PMFBP1: variants seen among roughly 807,000 people sequenced by gnomAD.
PMFBP1 encodes the protein polyamine-modulated factor 1-binding protein 1.
In PMFBP1, 131 loss-of-function variants were observed where a neutral mutation model predicts 137.8. That is an observed-to-expected ratio of 0.95 (90% CI 0.82 to 1.10). The LOEUF (loss-of-function observed/expected upper bound fraction) is 1.10. Ranked by LOEUF, PMFBP1 falls within the 50% of genes least tolerant of loss-of-function variation. The probability of loss-of-function intolerance (pLI) is 0.00; values close to 1 mark genes in which losing one functional copy is unlikely to be tolerated. For missense variants in PMFBP1, 1,199 were observed against 1,175.4 expected, an observed-to-expected ratio of 1.02 and a Z score of -0.29; for synonymous variants, 490 against 450.4, an observed-to-expected ratio of 1.09 and a Z score of -1.11.
the PMFBP1 span, among the ~76,000 whole-genome samples, chr16:72,245,398 T>A: frequency 6.6e-6 from 1 of 152,102 alleles, no homozygotes; most frequent in African/African-American, 2.4e-5. Flanking sequence ...GTACAGCTGG[T>A]AAATGGTAAA....
In PMFBP1 at chr16:72,139,376, C is replaced by T; in HGVS notation, c.831G>A (p.Leu277=). ...NALVLEREKA[L]IKLQADFASC... ...AAGCAAAATCGGCTTGTAGTTTTAT[C>T]AAAGCCTTTTCACGCTCCAGAACCT... Residue 277 remains leucine (L), a synonymous_variant, in exon 7 of 21, where the codon TTG becomes TTA. Coordinates refer to ENST00000237353, the MANE Select transcript of PMFBP1 (RefSeq NM_031293.3). 12 of 1,614,028 alleles carry T rather than the reference C, an allele frequency of 7.4e-6. No individual in the cohort carries two copies. Among genetic ancestry groups the T allele is most frequent in the Non-Finnish European group, 9.3e-6 (11 of 1,179,984 alleles).
At chr16:72,155,024 C>T (rs1445383163) in intron 3 of PMFBP1, among the ~76,000 whole-genome samples, 1 of 151,204 alleles carries the variant, frequency 6.6e-6, no homozygotes, top group African/African-American at 2.4e-5. Flanking sequence ...ACTCTGTGTG[C>T]GTGTGTGTGT....
At chr16:72,181,154 G>A (rs1015954096), upstream of PMFBP1, among the ~76,000 whole-genome samples, 4 of 151,624 alleles carry the variant, frequency 2.6e-5, no homozygotes, top group African/African-American at 4.8e-5. Flanking sequence ...CAGGAGAATC[G>A]CTTGAACTCA....
At chr16:72,124,681 C>G (rs2042426537) in intron 17 of PMFBP1, 86 bp downstream of exon 17, 1 of 1,502,962 alleles carries the variant, frequency 6.7e-7, no homozygotes, top group East Asian at 2.3e-5. Flanking sequence ...CTCCCACCCC[C>G]ACCAAGGGCT....
the PMFBP1 span, among the ~76,000 whole-genome samples, chr16:72,230,917 G>A: frequency 6.6e-6 from 1 of 152,102 alleles, no homozygotes; most frequent in Admixed American, 6.6e-5. Flanking sequence ...GCTGTAAACG[G>A]CAATAGATAT....
the PMFBP1 span, among the ~76,000 whole-genome samples, chr16:72,189,553 C>G: frequency 7.9e-5 from 12 of 152,116 alleles, no homozygotes; most frequent in African/African-American, 2.9e-4. Context: ...GGGGCCTCTC[C>G]AAAGAGGAGA....
intron 3 of PMFBP1, 149 bp from the exon 4 acceptor site, chr16:72,154,608 C>T (rs1210526533): frequency 1.1e-6 from 1 of 946,752 alleles, no homozygotes; most frequent in East Asian, 2.6e-5. Flanking sequence ...TTAAACATTT[C>T]ACTCTATTCA....
At chr16:72,216,351 A>G in the PMFBP1 span, among the ~76,000 whole-genome samples, 10 of 152,330 alleles carry the variant, frequency 6.6e-5, no homozygotes, top group African/African-American at 2.2e-4. Context: ...TATTTGATTA[A>G]TACAGAAATG....
At chr16:72,125,197 C>T (rs1337101729) in intron 16 of PMFBP1, 41 bp downstream of exon 16, 4 of 1,594,592 alleles carry the variant, frequency 2.5e-6, no homozygotes, top group Non-Finnish European at 3.4e-6. Context: ...CCTTGTGGAC[C>T]CCTACCAGGA....
chr16:72,214,320 G>A, the PMFBP1 span, among the ~76,000 whole-genome samples: 5 of 152,010 alleles, frequency 3.3e-5, no homozygotes, highest in African/African-American at 4.8e-5. Flanking sequence ...TCAGCCTCCC[G>A]AGTAACTGGG....
chr16:72,137,085 G>C (rs997487242), intron 7 of PMFBP1, among the ~76,000 whole-genome samples: 3 of 152,172 alleles, frequency 2.0e-5, no homozygotes, highest in Non-Finnish European at 4.4e-5. Flanking sequence ...TTTATAATTT[G>C]TCCATTGTCT....
At chr16:72,151,234 C>T (rs934087592) in intron 4 of PMFBP1, among the ~76,000 whole-genome samples, 6 of 152,210 alleles carry the variant, frequency 3.9e-5, no homozygotes, top group African/African-American at 1.4e-4. Context: ...TCCTCCTGCA[C>T]ACAGGACTAT....
At chr16:72,145,678 T>C (rs936522044) in intron 5 of PMFBP1, among the ~76,000 whole-genome samples, 1 of 151,968 alleles carries the variant, frequency 6.6e-6, no homozygotes, top group Non-Finnish European at 1.5e-5. Flanking sequence ...ATAGATGCAA[T>C]AAAAAATGAT....
chr16:72,162,602 G>C (rs2043080717), intron 3 of PMFBP1, among the ~76,000 whole-genome samples: 1 of 152,200 alleles, frequency 6.6e-6, no homozygotes, highest in Non-Finnish European at 1.5e-5. Flanking sequence ...GCGGATGAGT[G>C]TAAGTCTACA....
At chr16:72,188,576 AG>A in the PMFBP1 span, among the ~76,000 whole-genome samples, 1 of 152,240 alleles carries the variant, frequency 6.6e-6, no homozygotes, top group Non-Finnish European at 1.5e-5. Context: ...AAGTACACAC[AG>A]AGAAGGAAAC....
In PMFBP1 at chr16:72,119,259, AAGAG is replaced by A; in HGVS notation, c.*75_*78del. 1.3e-6 allele frequency: 2 copies of A among 1,490,552 alleles called. No individual in the cohort carries two copies. Among genetic ancestry groups the A allele is most frequent in the South Asian group, 2.3e-5 (2 of 88,416 alleles). 92.3% of individuals were successfully genotyped at this position (1,490,552 alleles called of 1,614,324 possible). A position where few individuals can be genotyped will look rare whatever the true frequency, so the allele number is the denominator to read the frequency against. On this transcript the variant is annotated 3_prime_UTR_variant, in exon 21 of 21. Coordinates refer to ENST00000237353, the MANE Select transcript of PMFBP1 (RefSeq NM_031293.3). ...ACTCCTGTAAGAGCTGATCCAGGTC[AAGAG>A]AGAGGGAGGGCTGGGAACTCACTGT...
At chr16:72,158,597 AT>A (rs1276957218) in intron 3 of PMFBP1, among the ~76,000 whole-genome samples, 6 of 152,164 alleles carry the variant, frequency 3.9e-5, no homozygotes, top group Non-Finnish European at 5.9e-5. Context: ...GGAAAAAAAC[AT>A]GATCACAAAT....
the PMFBP1 span, among the ~76,000 whole-genome samples, chr16:72,222,253 C>T: frequency 2.0e-5 from 3 of 151,978 alleles, no homozygotes; most frequent in African/African-American, 7.3e-5. Flanking sequence ...GTTAAAGGCA[C>T]TCACCACCAT....
chr16:72,223,033 C>CA, the PMFBP1 span, among the ~76,000 whole-genome samples: 1 of 152,130 alleles, frequency 6.6e-6, no homozygotes, highest in African/African-American at 2.4e-5. Flanking sequence ...CTTGTCATGA[C>CA]ACACAGCCTC....
Sources: allele counts gnomAD v4.1 joint callset (sites outside exome capture counted in the v4.1 genomes callset), GRCh38; gene constraint gnomAD v4.1.1; transcripts MANE v1.5; gene names NCBI Gene and HGNC (gene_info 2026-07-23, HGNC 2026-07-21).